Variants in MFHAS1 observed in about 807,000 individuals in gnomAD.
MFHAS1 encodes multifunctional ROCO family signaling regulator 1.
In MFHAS1, 50 loss-of-function variants were observed where a neutral mutation model predicts 70.4. The ratio of observed to expected loss-of-function variants is 0.71; its 90% CI spans 0.57 to 0.90. The LOEUF is 0.90. MFHAS1 is among the 40% of genes least tolerant of loss of function. The pLI is 0.00. For synonymous variants in MFHAS1, 952 were observed against 620.0 expected (o/e 1.54, Z -7.96); for missense variants, 1,795 against 1,347.6 (o/e 1.33, Z -5.20).
At chr8:8,815,442 A>C (rs4841047) in intron 1 of MFHAS1, among the ~76,000 whole-genome samples, 96,780 of 151,964 alleles carry the variant, frequency 0.64, 31,250 homozygotes, top group East Asian at 0.84. Flanking sequence ...GAATTGCCAC[A>C]CTGTCTTCCA....
intron 2 of MFHAS1, 98 bp from the exon 3 acceptor site, chr8:8,786,153 T>G: frequency 5.2e-6 from 6 of 1,148,034 alleles, no homozygotes; most frequent in Non-Finnish European, 7.9e-6. Flanking sequence ...AAATCTATTT[T>G]CTGCACATAT....
chr8:8,824,464 T>C (rs923881169), intron 1 of MFHAS1, among the ~76,000 whole-genome samples: 4 of 145,784 alleles, frequency 2.7e-5, no homozygotes. Flanking sequence ...CTGGCTCAGA[T>C]GCAGTGCTAG....
At chr8:8,870,676 C>G (rs1286703142) in intron 1 of MFHAS1, among the ~76,000 whole-genome samples, 1 of 152,130 alleles carries the variant, frequency 6.6e-6, no homozygotes, top group African/African-American at 2.4e-5. Flanking sequence ...CAGATTCCAT[C>G]CCGCAGGCCT....
At chr8:8,825,176 G>GT (rs1323435272) in intron 1 of MFHAS1, among the ~76,000 whole-genome samples, 1 of 152,046 alleles carries the variant, frequency 6.6e-6, no homozygotes, top group Non-Finnish European at 1.5e-5. Context: ...AAGGGTTGCG[G>GT]TTTTTTTGTT....
At chr8:8,829,334 C>A (rs1278622068) in intron 1 of MFHAS1, among the ~76,000 whole-genome samples, 2 of 152,206 alleles carry the variant, frequency 1.3e-5, no homozygotes, top group Non-Finnish European at 2.9e-5. Flanking sequence ...TTCTTCACTG[C>A]CTTTCTCACA....
chr8:8,838,343 T>C (rs1412256313), intron 1 of MFHAS1, among the ~76,000 whole-genome samples: 43 of 152,154 alleles, frequency 2.8e-4, no homozygotes, highest in Admixed American at 2.7e-3. Context: ...GATACCTAAA[T>C]CTGTCACAAT....
intron 1 of MFHAS1, among the ~76,000 whole-genome samples, chr8:8,840,548 C>T (rs1308517315): frequency 2.0e-5 from 3 of 152,020 alleles, no homozygotes; most frequent in Non-Finnish European, 4.4e-5. Context: ...ATGATGGTGC[C>T]GGTCATTCAT....
At chr8:8,881,678 AC>A (rs992630267) in intron 1 of MFHAS1, among the ~76,000 whole-genome samples, 1 of 152,190 alleles carries the variant, frequency 6.6e-6, no homozygotes, top group African/African-American at 2.4e-5. Context: ...TACTAAAAAT[AC>A]AAAAATTAGT....
intron 1 of MFHAS1, among the ~76,000 whole-genome samples, chr8:8,811,376 T>C (rs1480777682): frequency 6.6e-6 from 1 of 151,996 alleles, no homozygotes; most frequent in Non-Finnish European, 1.5e-5. Context: ...GGCGCAATCA[T>C]AGCTCACTGC....
chr8:8,862,194 G>T (rs535560138), intron 1 of MFHAS1, among the ~76,000 whole-genome samples: 1 of 152,064 alleles, frequency 6.6e-6, no homozygotes, highest in African/African-American at 2.4e-5. Context: ...TCAACATTTG[G>T]TATGGTCAGT....
chr8:8,891,388 C>A lies in MFHAS1; in HGVS notation c.1671G>T (p.Gln557His). ...CGTCGTGCTTCTCCTGCAGGGCGATCTGGCGGTGAATGTCCAGACATTTCT... is the reference window on the plus strand; with the variant it reads ...CGTCGTGCTTCTCCTGCAGGGCGATATGGCGGTGAATGTCCAGACATTTCT... The part of the protein sequence containing the change: ...LEEKCLDIHR[Q>H]IALQEKHDAE... The change falls in exon 1 of 3, where the codon CAG becomes CAT. Residue 557 changes from glutamine to histidine, a missense_variant. By Grantham distance (24) the Gln-to-His change is conservative. Coordinates refer to ENST00000276282, the MANE Select transcript of MFHAS1 (RefSeq NM_004225.3). This position sits in a 1 kb window ranked among gnomAD's most constrained non-coding sequence, Gnocchi z 5.4. 1 of 1,612,140 alleles carries A rather than the reference C, an allele frequency of 6.2e-7. No individual in the cohort carries two copies. The highest frequency in any genetic ancestry group is 8.5e-7 in the Non-Finnish European group (1 of 1,180,016).
At chr8:8,845,077 C>T (rs1304647865) in intron 1 of MFHAS1, among the ~76,000 whole-genome samples, 1 of 152,210 alleles carries the variant, frequency 6.6e-6, no homozygotes, top group African/African-American at 2.4e-5. Flanking sequence ...ATTCTGAATG[C>T]ACATGTGTTT....
chr8:8,844,133 C>G (rs912786274), intron 1 of MFHAS1, among the ~76,000 whole-genome samples: 3 of 152,202 alleles, frequency 2.0e-5, no homozygotes, highest in African/African-American at 7.2e-5. Context: ...AGCCCTTCTA[C>G]TACTAACCTA....
intron 1 of MFHAS1, among the ~76,000 whole-genome samples, chr8:8,805,116 T>C (rs1424754376): frequency 6.6e-6 from 1 of 152,140 alleles, no homozygotes; most frequent in Non-Finnish European, 1.5e-5. Flanking sequence ...ACAACGGCCC[T>C]TCCAATGCAT....
In MFHAS1 at chr8:8,797,448, G is replaced by A; in HGVS notation, c.3042C>T (p.Ile1014=). 2 of 1,614,126 alleles carry A rather than the reference G, an allele frequency of 1.2e-6. No homozygotes were observed. Among genetic ancestry groups the A allele is most frequent in the Non-Finnish European group, 1.7e-6 (2 of 1,180,028 alleles). The change falls in exon 2 of 3, where the codon ATC becomes ATT. Residue 1014 remains isoleucine (I), a synonymous_variant. Transcript: ENST00000276282. ...GCTCGCTGCCGTTCTTGGGGCAAAT[G>A]ATCTCTGCCACTCCTTCCGGTCTGG... The part of the protein sequence containing the change: ...SQPRPEGVAE[I]ICPKNGSERV...
rs750109532 is a variant in MFHAS1 at position 8,891,769 on chromosome 8, G to C, written c.1290C>G (p.Thr430=). The change falls in exon 1 of 3, where the codon ACC becomes ACG. Residue 430 remains threonine, a synonymous_variant. Coordinates refer to ENST00000276282, the MANE Select transcript of MFHAS1 (RefSeq NM_004225.3). This position sits in a 1 kb window ranked among gnomAD's most constrained non-coding sequence, Gnocchi z 5.4. Reference sequence around the variant, plus strand: ...CTGGGCATCCCTCCACTCTCTCCTCGGTGAGGCAGTGGCGCAGCAAAGTCT... The same window carrying C: ...CTGGGCATCCCTCCACTCTCTCCTCCGTGAGGCAGTGGCGCAGCAAAGTCT... ...AGKTLLRHCL[T]EERVEGCPGG... 23 of 1,613,198 alleles carry C rather than the reference G, an allele frequency of 1.4e-5. No individual in the cohort carries two copies. The highest frequency in any genetic ancestry group is 1.9e-5 in the Non-Finnish European group (22 of 1,180,034).
rs546232937 is a variant in MFHAS1, at chr8:8,883,980, T to A, written c.2998+6081A>T. ...TGGGAGGCTGAGTGGGGAGGACCAT[T>A]TGAGGCCAGGAGATCAAGACCAGCT... On this transcript the variant is annotated intron_variant, in intron 1 of 2. Transcript: ENST00000276282. Among the ~76,000 whole-genome samples the A allele has an allele frequency of 3.5e-4, 52 of 150,454 alleles. No homozygotes were observed. In the South Asian group the frequency reaches 7.1e-3, roughly 21 times the overall value.
At chr8:8,838,066 G>C (rs558585836) in intron 1 of MFHAS1, among the ~76,000 whole-genome samples, 1 of 152,312 alleles carries the variant, frequency 6.6e-6, no homozygotes, top group African/African-American at 2.4e-5. Context: ...AAATAAACCG[G>C]CATATTCAGC....
At position 8,868,118 on chromosome 8, in the gene MFHAS1, C is replaced by T. The variant is rs1226962745; in HGVS notation, c.2998+21943G>A. On this transcript the variant is annotated intron_variant, in intron 1 of 2. Transcript: ENST00000276282. ...CCTGATCCATTTTCTAGACCAAGTT[C>T]CCAACGCACAGGCTCTGAGGGGGAT... is the stretch of plus-strand genomic sequence containing the variant. Among the ~76,000 whole-genome samples the T allele has an allele frequency of 2.6e-5, 4 of 151,936 alleles. No individual in the cohort carries two copies. In the South Asian group the frequency reaches 8.3e-4, roughly 32 times the overall value.
Sources: gnomAD v4.1 joint callset for allele counts (sites outside exome capture counted in the v4.1 genomes callset) on GRCh38, gnomAD v4.1.1 for gene constraint, Gnocchi (gnomAD v3.1) non-coding constraint, MANE v1.5 for transcripts, NCBI Gene and HGNC (gene_info 2026-07-23, HGNC 2026-07-21) for gene names.